Variants in MDN1 observed in about 807,000 individuals in gnomAD.
MDN1 encodes midasin AAA ATPase 1.
A neutral mutation model predicts 669.2 loss-of-function variants in MDN1; 266 were observed. That is an observed-to-expected ratio of 0.40 (90% CI 0.36 to 0.44). The LOEUF is 0.44. Ranked by LOEUF, MDN1 falls within the 20% of genes least tolerant of loss-of-function variation. The probability of loss-of-function intolerance (pLI) is 1.00; values close to 1 mark genes in which losing one functional copy is unlikely to be tolerated. For missense variants in MDN1, 5,940 were observed against 6,754.0 expected (o/e 0.88, Z 4.22); for synonymous variants, 2,385 against 2,457.1 (o/e 0.97, Z 0.87).
At chr6:89,777,498 C>T (rs1307076825) in intron 11 of MDN1, among the ~76,000 whole-genome samples, 2 of 152,144 alleles carry the variant, frequency 1.3e-5, no homozygotes, top group Non-Finnish European at 2.9e-5. Context: ...AAACTAACCC[C>T]CTCTTTGCTC....
chr6:89,675,521 A>G lies in MDN1; in HGVS notation c.12704T>C (p.Met4235Thr). The change falls in exon 78 of 102, where the codon ATG becomes ACG. Residue 4235 changes from methionine to threonine, a missense_variant. Physicochemically the swap from Met to Thr is moderately conservative, Grantham distance 81. Coordinates refer to ENST00000369393, the MANE Select transcript of MDN1 (RefSeq NM_014611.3). ...CAGGGAGCGCCGCTGTCGGACGAGC[A>G]TCTTCATCAAATGTGCTGAGAACCC... ...CRGFSAHLMKMLVRQRRSLTT... is the reference protein window; with the variant it reads ...CRGFSAHLMKTLVRQRRSLTT... 1 of 1,613,998 alleles carries G rather than the reference A, an allele frequency of 6.2e-7. No individual in the cohort carries two copies. Among genetic ancestry groups the G allele is most frequent in the Non-Finnish European group, 8.5e-7 (1 of 1,180,038 alleles).
chr6:89,755,359 C>T (rs911842258), intron 20 of MDN1, among the ~76,000 whole-genome samples: 1 of 108,952 alleles, frequency 9.2e-6, no homozygotes, highest in Non-Finnish European at 1.8e-5. Flanking sequence ...GCCTGCACAA[C>T]AAAGCAAAGC....
chr6:89,737,366 T>C (rs1240105949), intron 33 of MDN1, among the ~76,000 whole-genome samples: 1 of 152,142 alleles, frequency 6.6e-6, no homozygotes, highest in East Asian at 1.9e-4. Flanking sequence ...TAGCCATGAA[T>C]TCCAATTTCC....
Position 89,700,308 on chromosome 6 carries a change from CAA to C in MDN1, c.8639-16_8639-15del. ...TCTTCAATTCATCTGGACAAAAAGA[CAA>C]ATGTTGTATGAGAGCACAATGGTTA... On this transcript the variant is annotated splice_polypyrimidine_tract_variant and intron_variant, in intron 56 of 101. Transcript: ENST00000369393. 7 of 1,598,742 alleles carry C rather than the reference CAA, an allele frequency of 4.4e-6. No homozygotes were observed. The highest frequency in any genetic ancestry group is 5.1e-6 in the Non-Finnish European group (6 of 1,166,258).
chr6:89,695,847 C>G lies in MDN1; in HGVS notation c.9529G>C (p.Gly3177Arg), dbSNP rs1460355566. The G allele has an allele frequency of 6.2e-7, 1 of 1,613,798 alleles. No individual in the cohort carries two copies. The highest frequency in any genetic ancestry group is 1.1e-5 in the South Asian group (1 of 91,084). Residue 3177 changes from glycine (G) to arginine (R), a missense_variant, in exon 61 of 102, where the codon GGC becomes CGC. Physicochemically the swap from Gly to Arg is moderately radical, Grantham distance 125. Transcript: ENST00000369393. This position sits in a 1 kb window ranked among gnomAD's most constrained non-coding sequence, Gnocchi z 4.1. ...LGSSQAFQHV[G>R]QTLGDMAGQE... Reference sequence around the variant, plus strand: ...CCAGCCATGTCCCCAAGTGTCTGGCCCACATGCTGGAAGGCCTGGCTGCTC... The same window carrying G: ...CCAGCCATGTCCCCAAGTGTCTGGCGCACATGCTGGAAGGCCTGGCTGCTC...
intron 2 of MDN1, among the ~76,000 whole-genome samples, chr6:89,801,750 T>C (rs1367110297): frequency 6.6e-6 from 1 of 150,784 alleles, no homozygotes; most frequent in Non-Finnish European, 1.5e-5. Context: ...GCCAAGATTG[T>C]GCCACTGCAC....
At chr6:89,724,634 T>C (rs1815087805) in intron 38 of MDN1, among the ~76,000 whole-genome samples, 1 of 152,176 alleles carries the variant, frequency 6.6e-6, no homozygotes, top group South Asian at 2.1e-4. Context: ...TAAGAGACAG[T>C]GACACTAAAG....
At position 89,707,365 on chromosome 6, in the gene MDN1, A is replaced by C; in HGVS notation, c.8010T>G (p.His2670Gln). 1.3e-6 allele frequency: 2 copies of C among 1,599,472 alleles called. No individual in the cohort carries two copies. The highest frequency in any genetic ancestry group is 1.7e-6 in the Non-Finnish European group (2 of 1,166,724). The change falls in exon 52 of 102, where the codon CAT becomes CAG. Residue 2670 changes from histidine to glutamine, a missense_variant. By Grantham distance (24) the His-to-Gln change is conservative. Around this residue, in one of 5 missense-constraint regions of MDN1, gnomAD observed 2,292 missense variants for 2,638.3 expected, o/e 0.87. Transcript: ENST00000369393. ...ACAAAAGGTAAATGTTCTTACCTTG[A>C]TGGAATTCAAAGGACATTCTCAAAA... Reference protein sequence around the residue: ...ESVLRMSFEFHQDPESYHTLP... With the variant: ...ESVLRMSFEFQQDPESYHTLP...
At chr6:89,763,010 C>A (rs12212611) in intron 15 of MDN1, among the ~76,000 whole-genome samples, 20,974 of 152,056 alleles carry the variant, frequency 0.14, 1,884 homozygotes, top group Non-Finnish European at 0.2. Flanking sequence ...CAAGAACACG[C>A]CACTGCCACT....
In MDN1 at chr6:89,793,771, A is replaced by G; in HGVS notation, c.846T>C (p.Pro282=). The change falls in exon 5 of 102, where the codon CCT becomes CCC. Residue 282 remains proline, a synonymous_variant. Coordinates refer to ENST00000369393, the MANE Select transcript of MDN1 (RefSeq NM_014611.3). ...GVVLPGQLPA[P]GELGGNRSSS... is the part of the protein sequence containing the mutation. Reference sequence around the variant, plus strand: ...ACTGATACCAACATACCAGCTCTCCAGGGGCTGGCAGCTGCCCAGGCAGCA... The same window carrying G: ...ACTGATACCAACATACCAGCTCTCCGGGGGCTGGCAGCTGCCCAGGCAGCA... 1 of 1,613,670 alleles carries G rather than the reference A, an allele frequency of 6.2e-7. No individual in the cohort carries two copies.
At chr6:89,766,075 C>T (rs945667571) in intron 15 of MDN1, among the ~76,000 whole-genome samples, 5 of 152,076 alleles carry the variant, frequency 3.3e-5, no homozygotes, top group African/African-American at 7.2e-5. Context: ...CAGGCGAATG[C>T]CTTGAGGTCA....
Position 89,656,077 on chromosome 6 carries a change from C to T in MDN1, c.15286-109G>A, listed in dbSNP as rs1056569761. ...ACAGGATAAGTAAATCAGGTGTAGC[C>T]ATACAAGAATGGAATTCAATACAGC... is the stretch of plus-strand genomic sequence containing the variant. On this transcript the variant is annotated intron_variant, in intron 91 of 101. Transcript: ENST00000369393. 18 of 953,586 alleles carry T rather than the reference C, an allele frequency of 1.9e-5. No individual in the cohort carries two copies. In the African/African-American group the frequency reaches 2.6e-4, roughly 14 times the overall value. The allele number at this position is 953,586 out of a possible 1,614,324, so 59.1% of individuals were successfully genotyped here.
chr6:89,646,591 C>A lies in MDN1; in HGVS notation c.16408G>T (p.Val5470Phe), dbSNP rs746676075. The A allele has an allele frequency of 1.2e-6, 2 of 1,613,966 alleles. No individual in the cohort carries two copies. The highest frequency in any genetic ancestry group is 1.3e-5 in the African/African-American group (1 of 74,918). ...TGAGCAGCTGCAAACATGTTGGCAA[C>A]AGACTCTAGAAACTAAACCGGAACC... is the stretch of plus-strand genomic sequence containing the variant. ...KTKIAQFLES[V>F]ANMFAAAQQL... Residue 5470 changes from valine to phenylalanine, a missense_variant, in exon 100 of 102, where the codon GTT becomes TTT. Physicochemically the swap from Val to Phe is conservative, Grantham distance 50. Transcript: ENST00000369393.
intron 45 of MDN1, 41 bp downstream of exon 45, chr6:89,715,612 G>A: frequency 8.2e-7 from 1 of 1,213,602 alleles, no homozygotes; most frequent in South Asian, 1.2e-5. Context: ...TGCTACTGAG[G>A]CTGTCAGATT....
In MDN1 at chr6:89,812,146, C is replaced by T. The variant is rs895604631; in HGVS notation, c.102+7360G>A. ...GATTACAGGCATGCGCCACCACACCCGGCTAATTTTTGTATTTTTAGTAGA... is the reference window on the plus strand; with the variant it reads ...GATTACAGGCATGCGCCACCACACCTGGCTAATTTTTGTATTTTTAGTAGA... On this transcript the variant is annotated intron_variant, in intron 1 of 101. Transcript: ENST00000369393. 9.9e-5 allele frequency among the ~76,000 whole-genome samples: 15 copies of T among 151,846 alleles called. No homozygotes were observed. The South Asian group carries it at 1.2e-3, about 13-fold the overall frequency.
intron 92 of MDN1, among the ~76,000 whole-genome samples, chr6:89,654,914 C>T (rs559912945): frequency 1.3e-5 from 2 of 152,104 alleles, no homozygotes; most frequent in East Asian, 3.8e-4. Flanking sequence ...CACAGAAAGA[C>T]GAATAGGAAT....
chr6:89,732,800 A>T (rs759200609), intron 33 of MDN1, 25 bp from the exon 34 acceptor site: 17 of 1,607,710 alleles, frequency 1.1e-5, no homozygotes, highest in Non-Finnish European at 1.4e-5. Flanking sequence ...CAAAAAAAGC[A>T]TTTGCTGTTA....
At chr6:89,696,015 C>T in intron 60 of MDN1, 23 bp from the exon 61 acceptor site, 1 of 1,593,392 alleles carries the variant, frequency 6.3e-7, no homozygotes, top group Non-Finnish European at 8.6e-7. Context: ...AAAGAAAGCA[C>T]TGAAAGGTTT....
intron 85 of MDN1, among the ~76,000 whole-genome samples, 188 bp downstream of exon 85, chr6:89,664,299 C>T (rs1052066339): frequency 6.6e-6 from 1 of 152,180 alleles, no homozygotes; most frequent in African/African-American, 2.4e-5. Flanking sequence ...CTATGAGACA[C>T]CAGGGACTTC....
Sources: allele counts gnomAD v4.1 joint callset (sites outside exome capture counted in the v4.1 genomes callset), GRCh38; gene constraint gnomAD v4.1.1; regional missense constraint gnomAD v4.1.1; non-coding constraint Gnocchi (gnomAD v3.1); transcripts MANE v1.5; gene names NCBI Gene and HGNC (gene_info 2026-07-23, HGNC 2026-07-21).